Variants in SLC9A1 observed in about 807,000 individuals in gnomAD.
SLC9A1 encodes the protein solute carrier family 9 member A1.
Under a neutral mutation model 67.9 loss-of-function variants are expected in SLC9A1, and 22 were observed. The observed-to-expected ratio is 0.32, with a 90% CI of 0.23 to 0.46. The LOEUF is 0.46. SLC9A1 is among the 20% of genes least tolerant of loss of function. The pLI is 1.00. For missense variants in SLC9A1, 686 were observed against 1,094.8 expected, an observed-to-expected ratio of 0.63 and a Z score of 5.27; for synonymous variants, 421 against 471.8, an observed-to-expected ratio of 0.89 and a Z score of 1.40.
At chr1:27,113,642 C>A (rs2083245559) in intron 2 of SLC9A1, among the ~76,000 whole-genome samples, 184 bp downstream of exon 2, 1 of 152,188 alleles carries the variant, frequency 6.6e-6, no homozygotes, top group Non-Finnish European at 1.5e-5. Context: ...CTTAAGGCAG[C>A]CATGAGGACT....
chr1:27,150,545 AATGCAC>A (rs1375853034), intron 1 of SLC9A1, among the ~76,000 whole-genome samples: 1 of 152,122 alleles, frequency 6.6e-6, no homozygotes, highest in Non-Finnish European at 1.5e-5. Context: ...TGGGGTGGGG[AATGCAC>A]CTAACTCCTA....
At chr1:27,130,995 A>G (rs775273097) in intron 1 of SLC9A1, among the ~76,000 whole-genome samples, 3 of 152,166 alleles carry the variant, frequency 2.0e-5, no homozygotes, top group Admixed American at 2.0e-4. Context: ...CCCAGGAAGG[A>G]GATAAGGAAG....
intron 1 of SLC9A1, among the ~76,000 whole-genome samples, chr1:27,125,705 C>T (rs2083338922): frequency 1.3e-5 from 2 of 152,174 alleles, no homozygotes; most frequent in African/African-American, 2.4e-5. Context: ...AGCGATTCTC[C>T]TGCCTCGGCC....
intron 6 of SLC9A1, 61 bp from the exon 7 acceptor site, chr1:27,102,804 C>G: frequency 7.0e-7 from 1 of 1,428,428 alleles, no homozygotes. Context: ...ACCAAGACCT[C>G]TGACTAGCCC....
At chr1:27,112,705 G>A (rs865940157) in intron 2 of SLC9A1, among the ~76,000 whole-genome samples, 5 of 152,024 alleles carry the variant, frequency 3.3e-5, no homozygotes, top group South Asian at 2.1e-4. Flanking sequence ...CCAACATGGC[G>A]AAACCCAGTC....
intron 1 of SLC9A1, among the ~76,000 whole-genome samples, chr1:27,126,838 GT>G (rs1282585337): frequency 6.6e-6 from 1 of 152,182 alleles, no homozygotes; most frequent in African/African-American, 2.4e-5. Context: ...AATCTCCAGT[GT>G]TTGGCACTAA....
At chr1:27,116,410 C>T (rs2083272685) in intron 1 of SLC9A1, among the ~76,000 whole-genome samples, 2 of 152,042 alleles carry the variant, frequency 1.3e-5, no homozygotes, top group Non-Finnish European at 2.9e-5. Context: ...ACACACTGAA[C>T]ACTATCCAGG....
chr1:27,111,468 G>A (rs985927594), intron 2 of SLC9A1, among the ~76,000 whole-genome samples: 4 of 152,066 alleles, frequency 2.6e-5, no homozygotes, highest in Non-Finnish European at 2.9e-5. Context: ...GAATATAACT[G>A]TGTCAACCTC....
intron 5 of SLC9A1, among the ~76,000 whole-genome samples, chr1:27,104,687 G>A (rs530392724): frequency 2.6e-5 from 4 of 152,226 alleles, no homozygotes; most frequent in African/African-American, 9.6e-5. Flanking sequence ...CTGCACCAGG[G>A]TCCCCTCTCC....
At chr1:27,124,380 A>G (rs1218187028) in intron 1 of SLC9A1, among the ~76,000 whole-genome samples, 1 of 152,234 alleles carries the variant, frequency 6.6e-6, no homozygotes, top group Admixed American at 6.5e-5. Flanking sequence ...GTTGAAAGTC[A>G]GTTAGCTTAG....
intron 1 of SLC9A1, 121 bp downstream of exon 1, chr1:27,153,859 GAGA>G (rs1319868296): frequency 7.7e-6 from 5 of 652,380 alleles, no homozygotes; most frequent in Non-Finnish European, 1.3e-5. Flanking sequence ...TGGCAGGATG[GAGA>G]CTGCCTACTT....
chr1:27,101,220 C>G lies in SLC9A1; in HGVS notation c.2093G>C (p.Arg698Pro), dbSNP rs754250304. The change falls in exon 11 of 12, where the codon CGG becomes CCG. Residue 698 changes from arginine to proline, a missense_variant. By Grantham distance (103) the Arg-to-Pro change is moderately radical. Coordinates refer to ENST00000263980, the MANE Select transcript of SLC9A1 (RefSeq NM_003047.5). This position sits in a 1 kb window ranked among gnomAD's most constrained non-coding sequence, Gnocchi z 4.9. Reference sequence around the variant, plus strand: ...GCCCTTACCTGAGCCGATGCGGGCCCGAGACATGGTGGGTGAGTCCAGCTT... The same window carrying G: ...GCCCTTACCTGAGCCGATGCGGGCCGGAGACATGGTGGGTGAGTCCAGCTT... ...AHKLDSPTMS[R>P]ARIGSDPLAY... 2.5e-6 allele frequency: 4 copies of G among 1,611,392 alleles called. No homozygotes were observed. The Admixed American group carries it at 5.0e-5, about 20-fold the overall frequency.
At position 27,100,638 on chromosome 1, in the gene SLC9A1, A is replaced by T. The variant is rs1456809278; in HGVS notation, c.2117T>A (p.Leu706Gln). 6.2e-7 allele frequency: 1 copy of T among 1,604,944 alleles called. No homozygotes were observed. The highest frequency in any genetic ancestry group is 1.1e-5 in the South Asian group (1 of 89,538). Residue 706 changes from leucine (L) to glutamine (Q), a missense_variant, in exon 12 of 12, where the codon CTG becomes CAG. This residue lies in a region of SLC9A1 where 226 missense variants were observed against 282.4 expected (regional missense o/e 0.80). Coordinates refer to ENST00000263980, the MANE Select transcript of SLC9A1 (RefSeq NM_003047.5). This position sits in a 1 kb window ranked among gnomAD's most constrained non-coding sequence, Gnocchi z 5.6. ...MSRARIGSDP[L>Q]AYEPKEDLPV... ...CAGGTCCTCCTTCGGCTCATAGGCC[A>T]GTGGGTCTGGGGACCAAGAGCAAGG...
In SLC9A1 at chr1:27,106,508, C is replaced by G. The variant is rs1335273984; in HGVS notation, c.1283-421G>C. On this transcript the variant is annotated intron_variant, in intron 4 of 11. Coordinates refer to ENST00000263980, the MANE Select transcript of SLC9A1 (RefSeq NM_003047.5). The surrounding 1 kb of genome is among the most constrained non-coding windows in gnomAD (Gnocchi z 4.3). ...AATGCAGAGGGCTGGGCCCAACCTCCACCCACAGAACCAGAATCCCTGGAG... is the reference window on the plus strand; with the variant it reads ...AATGCAGAGGGCTGGGCCCAACCTCGACCCACAGAACCAGAATCCCTGGAG... 6.6e-6 allele frequency among the ~76,000 whole-genome samples: 1 copy of G among 152,152 alleles called. No individual in the cohort carries two copies. Among genetic ancestry groups the G allele is most frequent in the African/African-American group, 2.4e-5 (1 of 41,414 alleles).
At chr1:27,139,002 C>A (rs549617938) in intron 1 of SLC9A1, among the ~76,000 whole-genome samples, 8 of 152,054 alleles carry the variant, frequency 5.3e-5, no homozygotes, top group Admixed American at 4.6e-4. Flanking sequence ...AAGAGGCAAG[C>A]CTTTGACAGG....
intron 1 of SLC9A1, among the ~76,000 whole-genome samples, chr1:27,136,003 T>C (rs1276739269): frequency 6.6e-6 from 1 of 152,172 alleles, no homozygotes; most frequent in Non-Finnish European, 1.5e-5. Flanking sequence ...AGCAGGCAGG[T>C]AGTAGAGCTG....
intron 1 of SLC9A1, among the ~76,000 whole-genome samples, chr1:27,138,019 C>T (rs1239910838): frequency 1.3e-5 from 2 of 152,220 alleles, no homozygotes; most frequent in Non-Finnish European, 2.9e-5. Context: ...AGGCAGGACA[C>T]TGAGTGGGGC....
intron 5 of SLC9A1, chr1:27,103,518 G>T: frequency 1.7e-6 from 1 of 582,262 alleles, no homozygotes; most frequent in Admixed American, 3.0e-5. Context: ...CTGGAGACAC[G>T]GTCAGAGGTT....
chr1:27,144,814 G>T lies in SLC9A1; in HGVS notation c.352+9169C>A, dbSNP rs185555916. Among the ~76,000 whole-genome samples the T allele has an allele frequency of 2.0e-5, 3 of 152,260 alleles. No individual in the cohort carries two copies. The East Asian group carries it at 5.8e-4, about 29-fold the overall frequency. The stretch of plus-strand genomic sequence containing the variant: ...ACCTGAGGTCAGGAGTTCTAGACCA[G>T]ACTGGCCAGCATAGCAAAACCCCGT... On this transcript the variant is annotated intron_variant, in intron 1 of 11. Coordinates refer to ENST00000263980, the MANE Select transcript of SLC9A1 (RefSeq NM_003047.5).
Sources: gnomAD v4.1 joint callset for allele counts (sites outside exome capture counted in the v4.1 genomes callset) on GRCh38, gnomAD v4.1.1 for gene constraint, gnomAD v4.1.1 regional missense constraint, Gnocchi (gnomAD v3.1) non-coding constraint, MANE v1.5 for transcripts, NCBI Gene and HGNC (gene_info 2026-07-23, HGNC 2026-07-21) for gene names.